Variants in CCDC117 observed in about 807,000 individuals in gnomAD.
CCDC117 encodes the protein coiled-coil domain containing 117.
In CCDC117, 1 loss-of-function variant was observed where a neutral mutation model predicts 23.5. That is an observed-to-expected ratio of 0.04 (90% CI 0.02 to 0.20). CCDC117 has a LOEUF of 0.20. Among genes scored for constraint, CCDC117 ranks in the 10% least tolerant of loss-of-function variants. The pLI is 1.00. For missense variants in CCDC117, 383 were observed against 348.2 expected, an observed-to-expected ratio of 1.10 and a Z score of -0.80; for synonymous variants, 132 against 124.8, an observed-to-expected ratio of 1.06 and a Z score of -0.39.
intron 4 of CCDC117, among the ~76,000 whole-genome samples, chr22:28,784,120 AG>A (rs1316298935): frequency 1.3e-5 from 2 of 152,238 alleles, no homozygotes; most frequent in Non-Finnish European, 2.9e-5. Context: ...CCAGGCCTTT[AG>A]CAGAACTGTT....
chr22:28,772,950 CG>C lies in CCDC117; in HGVS notation c.106del (p.Ala36LeufsTer48), dbSNP rs1351139999. 2.5e-6 allele frequency: 3 copies of C among 1,210,978 alleles called. No homozygotes were observed. The highest frequency in any genetic ancestry group is 4.0e-5 in the South Asian group (1 of 25,038). 75.0% of individuals were successfully genotyped at this position (1,210,978 alleles called of 1,614,324 possible). On this transcript the variant is annotated frameshift_variant, in exon 1 of 5. Transcript: ENST00000249064. LOFTEE classifies it high-confidence loss of function. ...QPAFPGRAFPPGADGAELAPR... is the reference protein window; with the variant it reads ...QPAFPGRAFPXGADGAELAPR... ...GCCTTCCCCGGCCGGGCCTTCCCGCCGGGGGCTGACGGCGCCGAGTTGGCCC... is the reference window on the plus strand; with the variant it reads ...GCCTTCCCCGGCCGGGCCTTCCCGCCGGGGCTGACGGCGCCGAGTTGGCCC...
At chr22:28,785,223 CTG>C (rs2031477904) in intron 4 of CCDC117, among the ~76,000 whole-genome samples, 1 of 151,534 alleles carries the variant, frequency 6.6e-6, no homozygotes, top group Admixed American at 6.6e-5. Flanking sequence ...GGGTCTCACT[CTG>C]TCACCCAGGC....
rs745406977 is a variant in CCDC117 at position 28,786,426 on chromosome 22, G to A, written c.*100G>A. 7 of 765,236 alleles carry A rather than the reference G, an allele frequency of 9.1e-6. No homozygotes were observed. Among genetic ancestry groups the A allele is most frequent in the East Asian group, 2.6e-5 (1 of 38,408 alleles). The allele number at this position is 765,236 out of a possible 1,614,324, so 47.4% of individuals were successfully genotyped here. ...TAGGGACTTGAAAGTTTTATGAGACGGGTGTAATAATATCTCCACCTGTGA... is the reference window on the plus strand; with the variant it reads ...TAGGGACTTGAAAGTTTTATGAGACAGGTGTAATAATATCTCCACCTGTGA... On this transcript the variant is annotated 3_prime_UTR_variant, in exon 5 of 5. Transcript: ENST00000249064.
rs1404977996 is a variant in CCDC117, at chr22:28,781,330, G to GTTTTTTTTTTTTGTTTTTTTT, written c.464+162_464+163insTTTTTTTTGTTTTTTTTTTTT. On this transcript the variant is annotated intron_variant, in intron 3 of 4. Coordinates refer to ENST00000249064, the MANE Select transcript of CCDC117 (RefSeq NM_173510.4). ...AAAGTGTATTCGTTTTTGTTTTTTT[G>GTTTTTTTTTTTTGTTTTTTTT]TTTTGTTTTTTTTTTTTTTTTTTTT... Among the ~76,000 whole-genome samples the GTTTTTTTTTTTTGTTTTTTTT allele has an allele frequency of 8.0e-4, 30 of 37,662 alleles. 1 individual carries two copies. Among genetic ancestry groups the GTTTTTTTTTTTTGTTTTTTTT allele is most frequent in the South Asian group, 7.4e-3 (6 of 812 alleles). 24.7% of individuals were successfully genotyped at this position (37,662 alleles called of 152,430 possible).
chr22:28,777,848 T>C (rs901300200), intron 2 of CCDC117, among the ~76,000 whole-genome samples: 5 of 151,572 alleles, frequency 3.3e-5, no homozygotes, highest in Non-Finnish European at 5.9e-5. Context: ...CTTTTTCTTA[T>C]AGGAATTTTT....
rs1453354031 is a variant in CCDC117, at chr22:28,780,944, T to A, written c.240-4T>A. On this transcript the variant is annotated splice_polypyrimidine_tract_variant and splice_region_variant and intron_variant, in intron 2 of 4. Transcript: ENST00000249064. Reference sequence around the variant, plus strand: ...TTTCATTGAATTTTTTTTCTTTTTTTCAGTTGTCCAGTAAGAAAGAAAAGG... The same window carrying A: ...TTTCATTGAATTTTTTTTCTTTTTTACAGTTGTCCAGTAAGAAAGAAAAGG... 1 of 1,596,150 alleles carries A rather than the reference T, an allele frequency of 6.3e-7. No homozygotes were observed. The highest frequency in any genetic ancestry group is 1.4e-5 in the African/African-American group (1 of 74,038).
In CCDC117 at chr22:28,786,401, T is replaced by C. The variant is rs575148934; in HGVS notation, c.*75T>C. The C allele has an allele frequency of 1.3e-3, 1,319 of 1,039,916 alleles. No individual in the cohort carries two copies. The highest frequency in any genetic ancestry group is 1.7e-3 in the Non-Finnish European group (1,195 of 701,338). 64.4% of individuals were successfully genotyped at this position (1,039,916 alleles called of 1,614,324 possible). A position where few individuals can be genotyped will look rare whatever the true frequency, so the allele number is the denominator to read the frequency against. On this transcript the variant is annotated 3_prime_UTR_variant, in exon 5 of 5. Transcript: ENST00000249064. ...CAGTTATGAGACTCTTTGCATAGTATAGGGACTTGAAAGTTTTATGAGACG... is the reference window on the plus strand; with the variant it reads ...CAGTTATGAGACTCTTTGCATAGTACAGGGACTTGAAAGTTTTATGAGACG...
At chr22:28,779,124 G>A (rs190449159) in intron 2 of CCDC117, among the ~76,000 whole-genome samples, 2 of 152,068 alleles carry the variant, frequency 1.3e-5, no homozygotes, top group East Asian at 3.9e-4. Flanking sequence ...CACGACACTC[G>A]CCTTATTCTG....
intron 2 of CCDC117, among the ~76,000 whole-genome samples, chr22:28,775,260 C>CA (rs1464201026): frequency 1.3e-5 from 2 of 151,964 alleles, no homozygotes; most frequent in African/African-American, 2.4e-5. Context: ...GACTCCGTCT[C>CA]AAAAAAACAA....
In CCDC117 at chr22:28,772,947, C is replaced by T. The variant is rs1442820993; in HGVS notation, c.98C>T (p.Pro33Leu). 4.9e-6 allele frequency: 6 copies of T among 1,216,828 alleles called. No individual in the cohort carries two copies. The highest frequency in any genetic ancestry group is 1.6e-5 in the African/African-American group (1 of 63,590). 75.4% of individuals were successfully genotyped at this position (1,216,828 alleles called of 1,614,324 possible). A position where few individuals can be genotyped will look rare whatever the true frequency, so the allele number is the denominator to read the frequency against. ...CCGGCCTTCCCCGGCCGGGCCTTCC[C>T]GCCGGGGGCTGACGGCGCCGAGTTG... ...PQPAFPGRAF[P>L]PGADGAELAP... Residue 33 changes from proline to leucine, a missense_variant, in exon 1 of 5, where the codon CCG becomes CTG. Coordinates refer to ENST00000249064, the MANE Select transcript of CCDC117 (RefSeq NM_173510.4).
intron 2 of CCDC117, among the ~76,000 whole-genome samples, chr22:28,776,566 G>A (rs985012751): frequency 6.6e-6 from 1 of 150,946 alleles, no homozygotes; most frequent in African/African-American, 2.4e-5. Context: ...GATTACAGGC[G>A]CGTGCCACCA....
chr22:28,778,941 T>C (rs2031245537), intron 2 of CCDC117, among the ~76,000 whole-genome samples: 1 of 152,180 alleles, frequency 6.6e-6, no homozygotes, highest in Admixed American at 6.5e-5. Context: ...AAACTTTATT[T>C]GCATTTTATA....
chr22:28,779,749 C>T (rs1229484017), intron 2 of CCDC117, among the ~76,000 whole-genome samples: 1 of 151,492 alleles, frequency 6.6e-6, no homozygotes, highest in African/African-American at 2.5e-5. Context: ...TTGTAAAATA[C>T]ATGCCTCTTC....
intron 4 of CCDC117, among the ~76,000 whole-genome samples, chr22:28,785,031 A>G (rs1400707966): frequency 6.6e-6 from 1 of 152,026 alleles, no homozygotes; most frequent in South Asian, 2.1e-4. Flanking sequence ...CGGCCTCCCA[A>G]AGTGCTGGGA....
chr22:28,785,060 G>A (rs759064775), intron 4 of CCDC117, among the ~76,000 whole-genome samples: 2 of 152,086 alleles, frequency 1.3e-5, no homozygotes, highest in Admixed American at 6.6e-5. Context: ...GTGAGCCACC[G>A]CGCCCAGCCA....
intron 3 of CCDC117, among the ~76,000 whole-genome samples, chr22:28,782,986 A>T (rs1320897325): frequency 6.6e-6 from 1 of 151,970 alleles, no homozygotes; most frequent in Non-Finnish European, 1.5e-5. Flanking sequence ...TATTATTCAG[A>T]TTTGATTATA....
intron 2 of CCDC117, among the ~76,000 whole-genome samples, chr22:28,777,612 C>T (rs1601422233): frequency 6.6e-6 from 1 of 150,768 alleles, no homozygotes; most frequent in East Asian, 2.0e-4. Context: ...TGGGCTCAAG[C>T]GATTCTCCTG....
intron 2 of CCDC117, among the ~76,000 whole-genome samples, chr22:28,775,903 AAAAGT>A (rs557923999): frequency 2.9e-3 from 447 of 152,280 alleles, no homozygotes; most frequent in Non-Finnish European, 3.3e-3. Flanking sequence ...CCAAAAAAAG[AAAAGT>A]AAAAAGGTTT....
rs2146252050 is a variant in CCDC117, at chr22:28,781,504, C to T, written c.464+332C>T. On this transcript the variant is annotated intron_variant, in intron 3 of 4. Coordinates refer to ENST00000249064, the MANE Select transcript of CCDC117 (RefSeq NM_173510.4). ...TAGCTGGGACTACAGGCGCCCGCCA[C>T]TACGCCCGGCTAATTTTTTTGTATT... is the stretch of plus-strand genomic sequence containing the variant. Among the ~76,000 whole-genome samples the T allele has an allele frequency of 2.2e-5, 2 of 90,712 alleles. 1 individual carries two copies. The highest frequency in any genetic ancestry group is 9.9e-4 in the South Asian group (2 of 2,016). 59.5% of individuals were successfully genotyped at this position (90,712 alleles called of 152,430 possible). A position where few individuals can be genotyped will look rare whatever the true frequency, so the allele number is the denominator to read the frequency against.
Sources: allele counts gnomAD v4.1 joint callset (sites outside exome capture counted in the v4.1 genomes callset), GRCh38; gene constraint gnomAD v4.1.1; transcripts MANE v1.5; gene names NCBI Gene and HGNC (gene_info 2026-07-23, HGNC 2026-07-21).